The following NGEF variants were observed in gnomAD, a reference collection of about 807,000 sequenced individuals.
NGEF encodes the protein ephexin-1.
Under a neutral mutation model 80.9 loss-of-function variants are expected in NGEF, and 31 were observed. The ratio of observed to expected loss-of-function variants is 0.38; its 90% CI spans 0.29 to 0.52. NGEF has a LOEUF of 0.52. Among genes scored for constraint, NGEF ranks in the 20% least tolerant of loss-of-function variants. The pLI is 0.84. For missense variants in NGEF, 709 were observed against 926.2 expected, an observed-to-expected ratio of 0.77 and a Z score of 3.04; for synonymous variants, 371 against 370.2, an observed-to-expected ratio of 1.00 and a Z score of -0.03.
intron 1 of NGEF, among the ~76,000 whole-genome samples, chr2:233,000,622 T>C (rs1694952455): frequency 2.6e-5 from 4 of 151,704 alleles, no homozygotes; most frequent in South Asian, 2.1e-4. Flanking sequence ...TAGCCGGGCG[T>C]GGTGGCGGGC....
At chr2:232,983,925 T>C (rs2344971) in intron 1 of NGEF, among the ~76,000 whole-genome samples, 136,240 of 152,238 alleles carry the variant, frequency 0.89, 61,165 homozygotes, top group East Asian at 0.99. Flanking sequence ...ACCCCAGGGC[T>C]ACCTCTTCTC....
intron 3 of NGEF, among the ~76,000 whole-genome samples, chr2:232,962,004 A>T (rs965642938): frequency 6.6e-6 from 1 of 152,126 alleles, no homozygotes; most frequent in African/African-American, 2.4e-5. Flanking sequence ...CATTCTTATA[A>T]AGATGGAAAG....
chr2:232,884,223 C>T (rs1691602304), intron 10 of NGEF, 79 bp from the exon 11 acceptor site: 1 of 1,421,254 alleles, frequency 7.0e-7, no homozygotes, highest in South Asian at 1.5e-5. Context: ...CTGCGTCTGT[C>T]ACATTCCCTG....
At chr2:232,922,433 G>A (rs1399718179) in intron 4 of NGEF, among the ~76,000 whole-genome samples, 2 of 152,138 alleles carry the variant, frequency 1.3e-5, no homozygotes, top group African/African-American at 4.8e-5. Flanking sequence ...CAAGCTTAGA[G>A]CCCGTGCTTT....
At chr2:232,996,325 C>T (rs1188361175) in intron 1 of NGEF, among the ~76,000 whole-genome samples, 3 of 152,106 alleles carry the variant, frequency 2.0e-5, no homozygotes, top group African/African-American at 7.2e-5. Flanking sequence ...GAGGCTTTGT[C>T]TCAAGACAAC....
At chr2:232,987,924 C>T (rs1188925802) in intron 1 of NGEF, among the ~76,000 whole-genome samples, 2 of 152,144 alleles carry the variant, frequency 1.3e-5, no homozygotes, top group Non-Finnish European at 2.9e-5. Context: ...GGACTGCCCA[C>T]ATGGCCACTG....
intron 5 of NGEF, among the ~76,000 whole-genome samples, chr2:232,906,068 G>A (rs1199633687): frequency 7.5e-6 from 1 of 133,442 alleles, no homozygotes; most frequent in Non-Finnish European, 1.6e-5. Context: ...CGGGAGGGAG[G>A]TGAGGGGGTC....
At chr2:232,963,925 T>TA (rs1694005374) in intron 3 of NGEF, among the ~76,000 whole-genome samples, 2 of 151,934 alleles carry the variant, frequency 1.3e-5, no homozygotes, top group Admixed American at 6.6e-5. Context: ...AAAAATATAA[T>TA]AAAAAATAAA....
intron 9 of NGEF, 89 bp from the exon 10 acceptor site, chr2:232,885,458 G>A: frequency 1.0e-6 from 1 of 968,152 alleles, no homozygotes; most frequent in Non-Finnish European, 1.6e-6. Flanking sequence ...ACAGGGCTGA[G>A]TGACCACCGT....
In NGEF at chr2:233,013,058, A is replaced by G. The variant is rs1695246900; in HGVS notation, c.-75+10T>C. The G allele has an allele frequency of 2.1e-6, 1 of 465,190 alleles. No homozygotes were observed. The highest frequency in any genetic ancestry group is 4.5e-6 in the Non-Finnish European group (1 of 224,300). The allele number at this position is 465,190 out of a possible 1,614,324, so 28.8% of individuals were successfully genotyped here. ...TATTTTTTTAAAAAATACCAAAACC[A>G]TTCTCTCACCTGCCAGAGAGGAGCT... is the stretch of plus-strand genomic sequence containing the variant. On this transcript the variant is annotated intron_variant, in intron 1 of 14. Transcript: ENST00000264051.
rs566056569 is a variant in NGEF at position 232,884,896 on chromosome 2, T to C, written c.1437+384A>G. On this transcript the variant is annotated intron_variant, in intron 10 of 14. Transcript: ENST00000264051. ...GAATGCCTGAAGTTTTCTGTGAAGT[T>C]TGGGGGAAGCTGGTAACTTCCAAAT... 8.1e-5 allele frequency: 14 copies of C among 173,860 alleles called. No homozygotes were observed. The East Asian group carries it at 2.2e-3, about 27-fold the overall frequency. The allele number at this position is 173,860 out of a possible 1,614,324, so 10.8% of individuals were successfully genotyped here.
rs765282880 is a variant in NGEF at position 232,894,769 on chromosome 2, C to T, written c.976G>A (p.Ala326Thr). 3.2e-6 allele frequency: 5 copies of T among 1,586,878 alleles called. No individual in the cohort carries two copies. In the Admixed American group the frequency reaches 5.0e-5, roughly 16 times the overall value. Residue 326 changes from alanine to threonine, a missense_variant, in exon 6 of 15, where the codon GCT (alanine) becomes ACT (threonine). Physicochemically the swap from Ala to Thr is moderately conservative, Grantham distance 58. Transcript: ENST00000264051. ...ILFSNVLDVL[A>T]VSERFLLELE... Reference sequence around the variant, plus strand: ...CCCCGTCCTCACCGCTCACTGACAGCCAGCACGTCCAGGACGTTGGAGAAG... The same window carrying T: ...CCCCGTCCTCACCGCTCACTGACAGTCAGCACGTCCAGGACGTTGGAGAAG...
intron 11 of NGEF, among the ~76,000 whole-genome samples, 169 bp downstream of exon 11, chr2:232,883,812 A>G (rs547897750): frequency 8.5e-5 from 13 of 152,286 alleles, no homozygotes; most frequent in African/African-American, 2.9e-4. Context: ...AACGTGAAAT[A>G]ACCTTGGCTA....
intron 3 of NGEF, among the ~76,000 whole-genome samples, chr2:232,969,703 A>G (rs112083946): frequency 0.089 from 13,427 of 150,958 alleles, 715 homozygotes; most frequent in South Asian, 0.17. Flanking sequence ...TAGTAGAGAC[A>G]GGGTTTTGCC....
chr2:232,994,059 G>A (rs1368348257), intron 1 of NGEF, among the ~76,000 whole-genome samples: 3 of 152,132 alleles, frequency 2.0e-5, no homozygotes, highest in Non-Finnish European at 4.4e-5. Context: ...TGTGTGAAAT[G>A]TAAATTTATC....
intron 5 of NGEF, among the ~76,000 whole-genome samples, chr2:232,900,608 T>TCA (rs1449276542): frequency 3.8e-5 from 2 of 52,652 alleles, no homozygotes; most frequent in Admixed American, 2.2e-4. Context: ...ACACGTTCAC[T>TCA]CACATACACA....
chr2:232,954,477 G>A (rs35646344), intron 3 of NGEF, among the ~76,000 whole-genome samples: 30,343 of 152,114 alleles, frequency 0.2, 3,207 homozygotes, highest in East Asian at 0.34. Flanking sequence ...TGTAATCCCA[G>A]CATTTTGGGA....
chr2:232,937,910 A>G (rs1693360734), intron 3 of NGEF, among the ~76,000 whole-genome samples: 1 of 152,168 alleles, frequency 6.6e-6, no homozygotes, highest in Non-Finnish European at 1.5e-5. Context: ...TCCAAAAACC[A>G]TCAAAACTGG....
intron 6 of NGEF, among the ~76,000 whole-genome samples, chr2:232,894,013 G>C (rs929042518): frequency 1.3e-5 from 2 of 152,166 alleles, no homozygotes; most frequent in African/African-American, 4.8e-5. Flanking sequence ...TGCTCAGAGC[G>C]GGGCTGCGCC....
Sources: allele counts gnomAD v4.1 joint callset (sites outside exome capture counted in the v4.1 genomes callset), GRCh38; gene constraint gnomAD v4.1.1; transcripts MANE v1.5; gene names NCBI Gene and HGNC (gene_info 2026-07-23, HGNC 2026-07-21).